Variants in CNTN6 observed in about 807,000 individuals in gnomAD.
CNTN6 encodes the protein contactin-6.
In CNTN6, 137 loss-of-function variants were observed where a neutral mutation model predicts 122.8. The observed-to-expected ratio is 1.12, with a 90% CI of 0.97 to 1.29. CNTN6 has a LOEUF of 1.29. Ranked by LOEUF, CNTN6 falls within the 50% of genes most tolerant of loss-of-function variation. CNTN6 has a pLI of 0.00. For synonymous variants in CNTN6, 570 were observed against 426.0 expected (o/e 1.34, Z -4.16); for missense variants, 1,634 against 1,223.4 (o/e 1.34, Z -5.01).
chr3:1,274,117 TATG>T (rs1375760595), intron 4 of CNTN6, among the ~76,000 whole-genome samples: 3 of 152,198 alleles, frequency 2.0e-5, no homozygotes, highest in African/African-American at 7.2e-5. Context: ...AATTGTCACC[TATG>T]ATGATTATTA....
At chr3:1,351,086 A>T (rs1267692208) in intron 11 of CNTN6, among the ~76,000 whole-genome samples, 1 of 151,850 alleles carries the variant, frequency 6.6e-6, no homozygotes, top group Non-Finnish European at 1.5e-5. Flanking sequence ...GAACATTCTA[A>T]ATTCAGATGT....
intron 1 of CNTN6, among the ~76,000 whole-genome samples, chr3:1,097,370 A>C (rs1379880099): frequency 6.6e-6 from 1 of 152,250 alleles, no homozygotes; most frequent in Non-Finnish European, 1.5e-5. Flanking sequence ...TAGGTTTACA[A>C]TTAAATGAAT....
intron 1 of CNTN6, among the ~76,000 whole-genome samples, chr3:1,105,637 T>G (rs1366337920): frequency 6.6e-6 from 1 of 152,212 alleles, no homozygotes; most frequent in South Asian, 2.1e-4. Context: ...CTACAAGTGA[T>G]ATAAAGTTAT....
At chr3:1,118,415 A>C (rs571835254) in intron 1 of CNTN6, among the ~76,000 whole-genome samples, 23 of 152,256 alleles carry the variant, frequency 1.5e-4, no homozygotes, top group African/African-American at 5.3e-4. Flanking sequence ...ACAAAGCCTA[A>C]AGTCCTGGTT....
intron 11 of CNTN6, among the ~76,000 whole-genome samples, chr3:1,338,221 T>C (rs1456783693): frequency 6.6e-6 from 1 of 152,132 alleles, no homozygotes; most frequent in Admixed American, 6.6e-5. Flanking sequence ...TTAAACTGTG[T>C]CTTACAACAG....
intron 11 of CNTN6, among the ~76,000 whole-genome samples, chr3:1,345,119 CT>C (rs34433982): frequency 0.029 from 4,136 of 143,030 alleles, 49 homozygotes; most frequent in Middle Eastern, 0.055. Context: ...TGTACAATTA[CT>C]TTTTTTTTTT....
chr3:1,203,613 A>G (rs1305380907), intron 2 of CNTN6, among the ~76,000 whole-genome samples: 1 of 152,208 alleles, frequency 6.6e-6, no homozygotes, highest in African/African-American at 2.4e-5. Context: ...GATTTCATGA[A>G]GATATTTATG....
At chr3:1,216,564 G>T (rs150192447) in intron 2 of CNTN6, among the ~76,000 whole-genome samples, 3 of 152,136 alleles carry the variant, frequency 2.0e-5, no homozygotes, top group Non-Finnish European at 4.4e-5. Context: ...CCACTTGCTC[G>T]ATCATCATTT....
At chr3:1,282,396 GAC>G (rs1390813588) in intron 5 of CNTN6, among the ~76,000 whole-genome samples, 1 of 152,206 alleles carries the variant, frequency 6.6e-6, no homozygotes, top group Non-Finnish European at 1.5e-5. Context: ...ATAATGCCAG[GAC>G]ACAGTTCAAG....
chr3:1,401,673 A>C, intron 21 of CNTN6, 128 bp downstream of exon 21: 1 of 630,684 alleles, frequency 1.6e-6, no homozygotes, highest in Non-Finnish European at 2.8e-6. Flanking sequence ...TTATTTTGAA[A>C]ATACCATTGC....
At chr3:1,316,573 C>A (rs139590409) in intron 7 of CNTN6, among the ~76,000 whole-genome samples, 41 of 151,948 alleles carry the variant, frequency 2.7e-4, no homozygotes, top group African/African-American at 9.9e-4. Context: ...CTGGGGATTA[C>A]ATTTTTACAT....
intron 4 of CNTN6, among the ~76,000 whole-genome samples, chr3:1,256,554 G>A (rs2094762147): frequency 6.6e-6 from 1 of 152,196 alleles, no homozygotes; most frequent in Admixed American, 6.5e-5. Flanking sequence ...ATTGCCAACA[G>A]AAAGTCTGTG....
intron 2 of CNTN6, among the ~76,000 whole-genome samples, chr3:1,150,625 A>C (rs76186774): frequency 6.6e-6 from 1 of 152,214 alleles, no homozygotes; most frequent in Non-Finnish European, 1.5e-5. Flanking sequence ...TTAGAAGAAA[A>C]TGAAGGCCCA....
chr3:1,402,302 A>G lies in CNTN6; in HGVS notation c.2818-16A>G. 1 of 1,596,350 alleles carries G rather than the reference A, an allele frequency of 6.3e-7. No individual in the cohort carries two copies. Among genetic ancestry groups the G allele is most frequent in the Non-Finnish European group, 8.6e-7 (1 of 1,169,040 alleles). On this transcript the variant is annotated splice_polypyrimidine_tract_variant and intron_variant, in intron 21 of 22. Coordinates refer to ENST00000446702, the MANE Select transcript of CNTN6 (RefSeq NM_001289080.2). ...AGCAACATGTCCATGTTAACTTGAT[A>G]CCTCATTTTATTCAGATTCTGTACC...
chr3:1,317,823 G>A (rs1296440712), intron 7 of CNTN6, among the ~76,000 whole-genome samples: 1 of 151,058 alleles, frequency 6.6e-6, no homozygotes, highest in Admixed American at 6.6e-5. Flanking sequence ...TGCCAGAGGT[G>A]TGGTCAGCCC....
chr3:1,288,780 T>G (rs1261099061), intron 5 of CNTN6, among the ~76,000 whole-genome samples: 1 of 152,222 alleles, frequency 6.6e-6, no homozygotes, highest in African/African-American at 2.4e-5. Flanking sequence ...GTTTGTATTT[T>G]AAATATTACA....
chr3:1,389,781 T>C (rs1458947615), intron 20 of CNTN6, among the ~76,000 whole-genome samples: 1 of 150,122 alleles, frequency 6.7e-6, no homozygotes, highest in Non-Finnish European at 1.5e-5. Context: ...TAAAACAGAC[T>C]TTAAACCAAC....
chr3:1,259,103 A>G (rs1349744616), intron 4 of CNTN6, among the ~76,000 whole-genome samples: 3 of 152,140 alleles, frequency 2.0e-5, no homozygotes, highest in African/African-American at 7.2e-5. Flanking sequence ...TTCACTCAGA[A>G]TACTTTATAG....
At chr3:1,356,330 C>T (rs1420647652) in intron 12 of CNTN6, among the ~76,000 whole-genome samples, 1 of 151,690 alleles carries the variant, frequency 6.6e-6, no homozygotes, top group Admixed American at 6.6e-5. Context: ...ACTGAAATGT[C>T]GGAACTTGGA....
Sources: gnomAD v4.1 joint callset for allele counts (sites outside exome capture counted in the v4.1 genomes callset) on GRCh38, gnomAD v4.1.1 for gene constraint, MANE v1.5 for transcripts, NCBI Gene and HGNC (gene_info 2026-07-23, HGNC 2026-07-21) for gene names.